AGBL1: variants seen among roughly 807,000 people sequenced by gnomAD.
The protein encoded by AGBL1 is cytosolic carboxypeptidase 4.
AGBL1 carries 130 observed loss-of-function variants against 118.9 expected under a neutral mutation model. The observed-to-expected ratio is 1.09, with a 90% CI of 0.95 to 1.26. The LOEUF (loss-of-function observed/expected upper bound fraction) is 1.26. AGBL1 is among the 50% of genes most tolerant of loss of function. The probability of loss-of-function intolerance (pLI) is 0.00; values close to 1 mark genes in which losing one functional copy is unlikely to be tolerated. For missense variants in AGBL1, 1,584 were observed against 1,298.1 expected, an observed-to-expected ratio of 1.22 and a Z score of -3.38; for synonymous variants, 555 against 478.9, an observed-to-expected ratio of 1.16 and a Z score of -2.08.
chr15:86,769,688 T>C (rs1181602894), intron 22 of AGBL1, among the ~76,000 whole-genome samples: 2 of 152,056 alleles, frequency 1.3e-5, no homozygotes, highest in Non-Finnish European at 2.9e-5. Flanking sequence ...TTGCTGTTAA[T>C]GGTGACTTTC....
chr15:86,534,190 G>T (rs899317021), intron 19 of AGBL1, among the ~76,000 whole-genome samples: 1 of 151,670 alleles, frequency 6.6e-6, no homozygotes, highest in African/African-American at 2.4e-5. Flanking sequence ...GTAGAGTCAG[G>T]TCTACAAGGA....
At chr15:86,250,910 T>G (rs2078805142) in intron 7 of AGBL1, among the ~76,000 whole-genome samples, 1 of 152,242 alleles carries the variant, frequency 6.6e-6, no homozygotes, top group African/African-American at 2.4e-5. Context: ...AGTTGCCATT[T>G]GCAAATTATG....
chr15:86,950,114 A>C (rs2080864153), intron 23 of AGBL1, among the ~76,000 whole-genome samples: 1 of 152,018 alleles, frequency 6.6e-6, no homozygotes, highest in Non-Finnish European at 1.5e-5. Flanking sequence ...GCCCTATCAA[A>C]ATATATCTGT....
chr15:86,516,120 T>A (rs1308686643), intron 18 of AGBL1, among the ~76,000 whole-genome samples: 1 of 152,152 alleles, frequency 6.6e-6, no homozygotes, highest in Admixed American at 6.5e-5. Flanking sequence ...AGAGGAGTAG[T>A]CACTTATGCC....
chr15:86,149,203 G>T (rs1033128947), intron 3 of AGBL1, among the ~76,000 whole-genome samples: 1 of 152,170 alleles, frequency 6.6e-6, no homozygotes, highest in Non-Finnish European at 1.5e-5. Context: ...TTGATGCTAG[G>T]AAGAAACTGC....
At chr15:86,777,545 A>G (rs901444879) in intron 22 of AGBL1, among the ~76,000 whole-genome samples, 2 of 152,118 alleles carry the variant, frequency 1.3e-5, no homozygotes, top group Non-Finnish European at 2.9e-5. Flanking sequence ...AACTATAACC[A>G]CATTCAATTT....
intron 17 of AGBL1, chr15:86,295,676 A>G (rs555316676): frequency 7.2e-6 from 2 of 276,914 alleles, no homozygotes; most frequent in East Asian, 6.6e-5. Flanking sequence ...TTCCTCTCTT[A>G]AAACAGAACC....
intron 22 of AGBL1, among the ~76,000 whole-genome samples, chr15:86,742,369 A>G (rs900333962): frequency 3.9e-5 from 6 of 152,198 alleles, no homozygotes; most frequent in African/African-American, 1.4e-4. Context: ...GTCAAGAAAT[A>G]TATGACAGAA....
chr15:86,584,346 T>C (rs7181228), intron 21 of AGBL1, among the ~76,000 whole-genome samples: 5,607 of 152,256 alleles, frequency 0.037, 178 homozygotes, highest in African/African-American at 0.089. Flanking sequence ...TTAATCCGTC[T>C]TGAGTTAATT....
intron 21 of AGBL1, among the ~76,000 whole-genome samples, chr15:86,633,848 G>GTATA (rs1184616738): frequency 6.3e-4 from 25 of 39,934 alleles, no homozygotes; most frequent in African/African-American, 2.0e-3. Flanking sequence ...TATATATAAT[G>GTATA]TATATATATA....
chr15:86,547,982 C>G (rs2083608887), intron 20 of AGBL1, among the ~76,000 whole-genome samples: 1 of 152,154 alleles, frequency 6.6e-6, no homozygotes, highest in African/African-American at 2.4e-5. Context: ...CCCTCTATCA[C>G]TGACACTCTA....
At chr15:86,976,366 A>G (rs560216303) in intron 23 of AGBL1, among the ~76,000 whole-genome samples, 2 of 151,942 alleles carry the variant, frequency 1.3e-5, no homozygotes, top group South Asian at 2.1e-4. Flanking sequence ...TCAAGTCATT[A>G]GATGTTCTTT....
At chr15:86,367,605 G>A (rs1015894587) in intron 17 of AGBL1, among the ~76,000 whole-genome samples, 2 of 151,360 alleles carry the variant, frequency 1.3e-5, no homozygotes, top group African/African-American at 2.4e-5. Context: ...AAAAAAAAAA[G>A]TTTCTTTTAC....
chr15:86,282,808 C>G (rs893826931), intron 16 of AGBL1, among the ~76,000 whole-genome samples: 2 of 152,096 alleles, frequency 1.3e-5, no homozygotes, highest in Non-Finnish European at 2.9e-5. Context: ...GGGGGTTATG[C>G]TGAGGGGTAG....
chr15:86,204,479 C>A lies in AGBL1; in HGVS notation c.489-20435C>A, dbSNP rs913152534. ...GCATTGATCCCTTCCCTTACCTTCCCTTCCTTTCCCTTCCCCTTCCCCTTC... is the reference window on the plus strand; with the variant it reads ...GCATTGATCCCTTCCCTTACCTTCCATTCCTTTCCCTTCCCCTTCCCCTTC... On this transcript the variant is annotated intron_variant, in intron 5 of 22. Transcript: ENST00000614907. Among the ~76,000 whole-genome samples the A allele has an allele frequency of 2.1e-5, 3 of 139,590 alleles. No homozygotes were observed. The South Asian group carries it at 7.5e-4, about 35-fold the overall frequency. The allele number at this position is 139,590 out of a possible 152,430, so 91.6% of individuals were successfully genotyped here.
intron 22 of AGBL1, among the ~76,000 whole-genome samples, chr15:86,755,014 C>A (rs8033667): frequency 0.24 from 36,457 of 152,020 alleles, 4,743 homozygotes; most frequent in African/African-American, 0.32. Flanking sequence ...TGAGATTTAT[C>A]AGAAACCTTT....
chr15:86,216,642 C>A (rs948089593), intron 5 of AGBL1, among the ~76,000 whole-genome samples: 3 of 152,154 alleles, frequency 2.0e-5, no homozygotes, highest in Admixed American at 2.0e-4. Flanking sequence ...ATCCTTTTTA[C>A]TTGTTGCTGT....
intron 23 of AGBL1, among the ~76,000 whole-genome samples, chr15:86,941,158 G>A (rs2080746863): frequency 6.6e-6 from 1 of 152,220 alleles, no homozygotes; most frequent in South Asian, 2.1e-4. Flanking sequence ...AGGAGACTGT[G>A]ACATTTACAA....
At chr15:86,308,622 G>A (rs1433725194) in intron 17 of AGBL1, among the ~76,000 whole-genome samples, 4 of 152,190 alleles carry the variant, frequency 2.6e-5, no homozygotes, top group Non-Finnish European at 5.9e-5. Context: ...ATAAGGGATT[G>A]ATTTCATTCT....
Sources: gnomAD v4.1 joint callset for allele counts (sites outside exome capture counted in the v4.1 genomes callset) on GRCh38, gnomAD v4.1.1 for gene constraint, MANE v1.5 for transcripts, NCBI Gene and HGNC (gene_info 2026-07-23, HGNC 2026-07-21) for gene names.